Variants in IGF1 observed in about 807,000 individuals in gnomAD.
The protein encoded by IGF1 is insulin-like growth factor 1.
In IGF1, 4 loss-of-function variants were observed where a neutral mutation model predicts 13.8. The observed-to-expected ratio is 0.29, with a 90% confidence interval of 0.14 to 0.66. The LOEUF (loss-of-function observed/expected upper bound fraction) is 0.66, where lower values mean the gene tolerates loss of function less well. IGF1 is among the 30% of genes least tolerant of loss of function. The pLI is 0.78. For synonymous variants in IGF1, 76 were observed against 72.6 expected (o/e 1.05, Z -0.23); for missense variants, 124 against 188.5 (o/e 0.66, Z 2.00).
chr12:102,471,703 C>T (rs1368334317), intron 2 of IGF1, among the ~76,000 whole-genome samples: 1 of 152,090 alleles, frequency 6.6e-6, no homozygotes, highest in Non-Finnish European at 1.5e-5. Flanking sequence ...TCTCCATTTC[C>T]CCAGACCGCC....
chr12:102,436,118 CAG>C (rs1565981008), intron 2 of IGF1, among the ~76,000 whole-genome samples: 1 of 152,108 alleles, frequency 6.6e-6, no homozygotes, highest in Non-Finnish European at 1.5e-5. Context: ...TATTGCAAAA[CAG>C]AAGGAAAAAA....
chr12:102,408,103 C>T (rs1028738891), intron 3 of IGF1, among the ~76,000 whole-genome samples: 2 of 152,174 alleles, frequency 1.3e-5, no homozygotes, highest in African/African-American at 4.8e-5. Context: ...GGAATATCAG[C>T]AGCTTATTGT....
intron 2 of IGF1, among the ~76,000 whole-genome samples, chr12:102,430,413 A>G (rs1876632269): frequency 6.6e-6 from 1 of 152,182 alleles, no homozygotes. Flanking sequence ...TATAAAAGCT[A>G]CATTTAGTAA....
upstream of IGF1, among the ~76,000 whole-genome samples, chr12:102,481,522 C>A (rs1373237412): frequency 6.6e-6 from 1 of 152,120 alleles, no homozygotes; most frequent in South Asian, 2.1e-4. Context: ...GGGTGACTGG[C>A]CGGCAACATG....
intron 2 of IGF1, among the ~76,000 whole-genome samples, chr12:102,424,894 A>C (rs1251959461): frequency 6.6e-6 from 1 of 152,164 alleles, no homozygotes; most frequent in African/African-American, 2.4e-5. Context: ...TTTGCCTTTA[A>C]ATTTTTGTCT....
chr12:102,418,124 G>A (rs1565969103), intron 3 of IGF1: 1 of 996,400 alleles, frequency 1.0e-6, no homozygotes, highest in Non-Finnish European at 1.4e-6. Context: ...CTGGAGAGGG[G>A]TCTAGACCTC....
chr12:102,415,152 G>A (rs1874973992), intron 3 of IGF1, among the ~76,000 whole-genome samples: 1 of 152,146 alleles, frequency 6.6e-6, no homozygotes, highest in Non-Finnish European at 1.5e-5. Context: ...TTGTGTAGGA[G>A]AATAGGAATC....
rs1873659039 is a variant in IGF1 at position 102,401,284 on chromosome 12, G to A, written c.*1223C>T. On this transcript the variant is annotated 3_prime_UTR_variant, in exon 4 of 4. Transcript: ENST00000337514. ...CTTGCCCAAGGTCACACAGTGGTGA[G>A]TCCATGACACAGCTGGCAGATGTTC... The A allele has an allele frequency of 1.3e-5, 2 of 153,912 alleles. No individual in the cohort carries two copies. Among genetic ancestry groups the A allele is most frequent in the African/African-American group, 4.8e-5 (2 of 41,462 alleles). 9.5% of individuals were successfully genotyped at this position (153,912 alleles called of 1,614,324 possible). A position where few individuals can be genotyped will look rare whatever the true frequency, so the allele number is the denominator to read the frequency against.
intron 3 of IGF1, chr12:102,417,606 G>A: frequency 8.2e-7 from 1 of 1,226,774 alleles, no homozygotes. Flanking sequence ...GTCTTTCTTT[G>A]CGCTTTCTAG....
chr12:102,425,901 T>C (rs1162983446), intron 2 of IGF1, among the ~76,000 whole-genome samples: 1 of 152,182 alleles, frequency 6.6e-6, no homozygotes, highest in African/African-American at 2.4e-5. Context: ...AACAAAATTA[T>C]ACTTTGGCAA....
At chr12:102,416,449 C>T (rs1875148448) in intron 3 of IGF1, among the ~76,000 whole-genome samples, 1 of 152,216 alleles carries the variant, frequency 6.6e-6, no homozygotes, top group South Asian at 2.1e-4. Context: ...CTCATTCTCT[C>T]CCTTCATTTC....
intron 2 of IGF1, among the ~76,000 whole-genome samples, chr12:102,436,425 T>C (rs1877224153): frequency 6.6e-6 from 1 of 152,216 alleles, no homozygotes; most frequent in Non-Finnish European, 1.5e-5. Context: ...CAAGCCAACT[T>C]GCTCAATTGT....
Position 102,457,978 on chromosome 12 carries a change from C to A in IGF1, c.220+17665G>T, listed in dbSNP as rs1879554823. On this transcript the variant is annotated intron_variant, in intron 2 of 3. Transcript: ENST00000337514. Reference sequence around the variant, plus strand: ...GTACACAGTTATCCATAAAACATTGCTGAATTTAATGACATTGAAAAATAA... The same window carrying A: ...GTACACAGTTATCCATAAAACATTGATGAATTTAATGACATTGAAAAATAA... 2.0e-5 allele frequency among the ~76,000 whole-genome samples: 3 copies of A among 152,238 alleles called. No homozygotes were observed. The South Asian group carries it at 6.2e-4, about 32-fold the overall frequency.
rs989049854 is a variant in IGF1 at position 102,446,517 on chromosome 12, G to T, written c.221-26827C>A. On this transcript the variant is annotated intron_variant, in intron 2 of 3. Transcript: ENST00000337514. ...TTTTCTTGTTTCTTTGCATAGAGGT[G>T]TTTATAGTATTCTCTGATGGTAGTT... 3.9e-5 allele frequency among the ~76,000 whole-genome samples: 6 copies of T among 152,296 alleles called. No homozygotes were observed. The East Asian group carries it at 1.2e-3, about 29-fold the overall frequency.
At chr12:102,480,815 A>G (rs1881351174), upstream of IGF1, among the ~76,000 whole-genome samples, 2 of 152,356 alleles carry the variant, frequency 1.3e-5, no homozygotes, top group Middle Eastern at 3.4e-3. Context: ...TTATGCTGCC[A>G]TAGAAAATAA....
At chr12:102,428,237 T>TATATATATATATACAC (rs1491577263) in intron 2 of IGF1, among the ~76,000 whole-genome samples, 1 of 102,276 alleles carries the variant, frequency 9.8e-6, no homozygotes, top group African/African-American at 4.2e-5. Context: ...CAATAATGTG[T>TATATATATATATACAC]ATATATATAT....
At chr12:102,421,278 G>T (rs989143819) in intron 2 of IGF1, among the ~76,000 whole-genome samples, 1 of 152,152 alleles carries the variant, frequency 6.6e-6, no homozygotes. Context: ...ACTCCCAATG[G>T]CTGTGGCATT....
At chr12:102,450,637 G>C (rs1592801030) in intron 2 of IGF1, among the ~76,000 whole-genome samples, 1 of 152,134 alleles carries the variant, frequency 6.6e-6, no homozygotes, top group African/African-American at 2.4e-5. Context: ...ACAGATACAG[G>C]GCACATTTGC....
At chr12:102,432,628 T>G (rs558245986) in intron 2 of IGF1, among the ~76,000 whole-genome samples, 1 of 152,324 alleles carries the variant, frequency 6.6e-6, no homozygotes, top group South Asian at 2.1e-4. Flanking sequence ...ATTTCTGTTT[T>G]CAATTACTAG....
Sources: allele counts gnomAD v4.1 joint callset (sites outside exome capture counted in the v4.1 genomes callset), GRCh38; gene constraint gnomAD v4.1.1; transcripts MANE v1.5; gene names NCBI Gene and HGNC (gene_info 2026-07-23, HGNC 2026-07-21).